Variants in GNAL observed in about 807,000 individuals in gnomAD.
GNAL encodes the protein G protein subunit alpha L, also known as guanine nucleotide-binding protein G(olf) subunit alpha.
A neutral mutation model predicts 55.1 loss-of-function variants in GNAL; 18 were observed. The observed-to-expected ratio is 0.33, with a 90% CI of 0.23 to 0.48. The LOEUF (loss-of-function observed/expected upper bound fraction) is 0.48, where lower values mean the gene tolerates loss of function less well. Ranked by LOEUF, GNAL falls within the 20% of genes least tolerant of loss-of-function variation. GNAL has a pLI of 0.99. For synonymous variants in GNAL, 253 were observed against 237.0 expected, an observed-to-expected ratio of 1.07 and a Z score of -0.62; for missense variants, 412 against 614.1, an observed-to-expected ratio of 0.67 and a Z score of 3.48.
intron 1 of GNAL, among the ~76,000 whole-genome samples, chr18:11,725,653 T>G (rs1475711220): frequency 1.3e-5 from 2 of 152,226 alleles, no homozygotes; most frequent in African/African-American, 4.8e-5. Flanking sequence ...CATCATCAAA[T>G]AGTAGTTTGT....
At chr18:11,748,011 C>T (rs528896133) in intron 1 of GNAL, among the ~76,000 whole-genome samples, 15 of 152,314 alleles carry the variant, frequency 9.8e-5, no homozygotes, top group African/African-American at 3.6e-4. Flanking sequence ...TCCCCACCAG[C>T]CCTGCTCCCA....
intron 1 of GNAL, among the ~76,000 whole-genome samples, chr18:11,749,600 C>T (rs987661495): frequency 3.9e-5 from 6 of 152,174 alleles, no homozygotes; most frequent in East Asian, 1.9e-4. Flanking sequence ...GCTCAGCCTC[C>T]GCCCTCAAGG....
chr18:11,724,624 C>G (rs1475819883), intron 1 of GNAL, among the ~76,000 whole-genome samples: 3 of 152,194 alleles, frequency 2.0e-5, no homozygotes, highest in Admixed American at 6.5e-5. Flanking sequence ...GAGTGGGGAC[C>G]ACAGGAATTT....
rs902890834 is a variant in GNAL, at chr18:11,772,208, A to T, written c.624+18263A>T. ...TATAGCAGAAATAAATAAAAATACC[A>T]GGACAGATAATAGAAAAGAGTTGTA... On this transcript the variant is annotated intron_variant, in intron 4 of 11. Coordinates refer to ENST00000334049, the MANE Select transcript of GNAL (RefSeq NM_182978.4). Among the ~76,000 whole-genome samples the T allele has an allele frequency of 3.3e-5, 5 of 152,268 alleles. No individual in the cohort carries two copies. The East Asian group carries it at 9.6e-4, about 29-fold the overall frequency.
chr18:11,713,590 A>T (rs2031886507), intron 1 of GNAL, among the ~76,000 whole-genome samples: 1 of 152,202 alleles, frequency 6.6e-6, no homozygotes, highest in Non-Finnish European at 1.5e-5. Context: ...TGTGGGTCAG[A>T]CTATATATAT....
At chr18:11,871,121 A>T (rs2036386742) in intron 9 of GNAL, among the ~76,000 whole-genome samples, 1 of 152,180 alleles carries the variant, frequency 6.6e-6, no homozygotes. Context: ...GGGTATAATT[A>T]CATTTGATTT....
chr18:11,689,811 C>T lies in GNAL; in HGVS notation c.248C>T (p.Ala83Val). ...EKRQRTEQLS[A>V]EEREAAKERE... ...CGGCAGCGCACCGAGCAGCTGAGTG[C>T]CGAGGAGCGCGAGGCGGCCAAGGAG... is the stretch of plus-strand genomic sequence containing the variant. Residue 83 changes from alanine to valine, a missense_variant, in exon 1 of 12, where the codon GCC (alanine) becomes GTC (valine). Coordinates refer to ENST00000334049, the MANE Select transcript of GNAL (RefSeq NM_182978.4). 1.3e-6 allele frequency: 2 copies of T among 1,538,616 alleles called. No individual in the cohort carries two copies. The highest frequency in any genetic ancestry group is 1.7e-6 in the Non-Finnish European group (2 of 1,145,574).
rs2036323876 is a variant in GNAL at position 11,868,788 on chromosome 18, G to A, written c.1031+125G>A. 1.4e-6 allele frequency: 1 copy of A among 718,340 alleles called. No homozygotes were observed. Among genetic ancestry groups the A allele is most frequent in the Non-Finnish European group, 2.3e-6 (1 of 444,252 alleles). The allele number at this position is 718,340 out of a possible 1,614,324, so 44.5% of individuals were successfully genotyped here. A position where few individuals can be genotyped will look rare whatever the true frequency, so the allele number is the denominator to read the frequency against. On this transcript the variant is annotated intron_variant, in intron 9 of 11. Coordinates refer to ENST00000334049, the MANE Select transcript of GNAL (RefSeq NM_182978.4). The surrounding 1 kb of genome is among the most constrained non-coding windows in gnomAD (Gnocchi z 4.0). ...AACACTGGGAGGCCGAGGCAGGTGT[G>A]TCACTTGAGCTCAGCAGTTGGAGAC...
At chr18:11,834,265 G>C (rs889076546) in intron 5 of GNAL, among the ~76,000 whole-genome samples, 1 of 152,212 alleles carries the variant, frequency 6.6e-6, no homozygotes, top group East Asian at 1.9e-4. Flanking sequence ...TCAACATCCA[G>C]CTTATTCCTG....
rs530722967 is a variant in GNAL, at chr18:11,697,522, C to T, written c.376+7583C>T. ...GTAGTGGGTTGAGATCGTGCCATTG[C>T]ACTCCAGCATGGGGGAGAGAGCAAG... On this transcript the variant is annotated intron_variant, in intron 1 of 11. Transcript: ENST00000334049. 2.6e-5 allele frequency among the ~76,000 whole-genome samples: 4 copies of T among 151,346 alleles called. No individual in the cohort carries two copies. In the South Asian group the frequency reaches 8.3e-4, roughly 32 times the overall value.
chr18:11,861,037 G>C (rs787550), intron 5 of GNAL, among the ~76,000 whole-genome samples: 119,102 of 152,104 alleles, frequency 0.78, 47,253 homozygotes, highest in Admixed American at 0.86. Flanking sequence ...TGGTGTGGGA[G>C]GATGGGGAGA....
chr18:11,854,129 C>G (rs1042116332), intron 5 of GNAL: 6 of 166,822 alleles, frequency 3.6e-5, no homozygotes, highest in Non-Finnish European at 7.3e-5. Flanking sequence ...CTGGCCTTAA[C>G]CCCTCTTTAG....
In GNAL at chr18:11,881,358, A is replaced by C; in HGVS notation, c.*223A>C. The C allele has an allele frequency of 7.0e-6, 3 of 429,236 alleles. No homozygotes were observed. The highest frequency in any genetic ancestry group is 1.3e-5 in the Non-Finnish European group (3 of 237,680). The allele number at this position is 429,236 out of a possible 1,614,324, so 26.6% of individuals were successfully genotyped here. ...GCAGCATCCCACCCCCAAACCACCGACTCTCATTGCCGACACTGCAGCAGA... is the reference window on the plus strand; with the variant it reads ...GCAGCATCCCACCCCCAAACCACCGCCTCTCATTGCCGACACTGCAGCAGA... On this transcript the variant is annotated 3_prime_UTR_variant, in exon 12 of 12. Coordinates refer to ENST00000334049, the MANE Select transcript of GNAL (RefSeq NM_182978.4). This position sits in a 1 kb window ranked among gnomAD's most constrained non-coding sequence, Gnocchi z 4.8.
chr18:11,824,271 G>GT (rs1448582974), intron 4 of GNAL, among the ~76,000 whole-genome samples: 3 of 127,830 alleles, frequency 2.3e-5, no homozygotes, highest in African/African-American at 8.9e-5. Context: ...ATGGGGGGGG[G>GT]GTTCAATGAG....
chr18:11,694,993 C>T (rs951146014), intron 1 of GNAL, among the ~76,000 whole-genome samples: 3 of 152,108 alleles, frequency 2.0e-5, no homozygotes, highest in Admixed American at 6.5e-5. Context: ...CCCCACCTTA[C>T]GGCCTCATCT....
chr18:11,861,775 G>A (rs2036145461), intron 5 of GNAL, among the ~76,000 whole-genome samples: 1 of 152,082 alleles, frequency 6.6e-6, no homozygotes, highest in African/African-American at 2.4e-5. Context: ...GCGCCAGGCA[G>A]ATCTGACACC....
At chr18:11,830,506 T>C (rs1435283639) in intron 5 of GNAL, among the ~76,000 whole-genome samples, 2 of 152,154 alleles carry the variant, frequency 1.3e-5, no homozygotes, top group Non-Finnish European at 2.9e-5. Context: ...GGGAGTCTTT[T>C]GGGCTTCTCA....
intron 5 of GNAL, among the ~76,000 whole-genome samples, chr18:11,845,133 G>A (rs544523109): frequency 6.6e-6 from 1 of 152,072 alleles, no homozygotes; most frequent in South Asian, 2.1e-4. Flanking sequence ...CAAAGTGCTG[G>A]GATTACAGAT....
intron 4 of GNAL, among the ~76,000 whole-genome samples, chr18:11,764,413 T>C (rs1187582217): frequency 1.3e-5 from 2 of 152,222 alleles, no homozygotes; most frequent in Non-Finnish European, 2.9e-5. Context: ...GGCCCAAATA[T>C]CCTGTTCTTA....
Sources: gnomAD v4.1 joint callset for allele counts (sites outside exome capture counted in the v4.1 genomes callset) on GRCh38, gnomAD v4.1.1 for gene constraint, Gnocchi (gnomAD v3.1) non-coding constraint, MANE v1.5 for transcripts, NCBI Gene and HGNC (gene_info 2026-07-23, HGNC 2026-07-21) for gene names.